The following DLG2 variants were observed in gnomAD, a reference collection of about 807,000 sequenced individuals.
The protein encoded by DLG2 is discs large MAGUK scaffold protein 2.
A neutral mutation model predicts 132.5 loss-of-function variants in DLG2; 45 were observed. That is an observed-to-expected ratio of 0.34 (90% CI 0.27 to 0.44). The LOEUF is 0.44. Ranked by LOEUF, DLG2 falls within the 20% of genes least tolerant of loss-of-function variation. The pLI, the probability that DLG2 is intolerant of heterozygous loss-of-function variation, is 1.00. For synonymous variants in DLG2, 424 were observed against 419.6 expected (o/e 1.01, Z -0.13); for missense variants, 1,045 against 1,196.9 (o/e 0.87, Z 1.87).
intron 6 of DLG2, among the ~76,000 whole-genome samples, chr11:84,948,974 T>C (rs2050579425): frequency 6.6e-6 from 1 of 152,232 alleles, no homozygotes; most frequent in South Asian, 2.1e-4. Context: ...TCTGTTGTTA[T>C]TGAAAAGATC....
chr11:85,489,404 T>C (rs1226863339), intron 3 of DLG2, among the ~76,000 whole-genome samples: 1 of 152,220 alleles, frequency 6.6e-6, no homozygotes, highest in East Asian at 1.9e-4. Context: ...AGCACGCAGA[T>C]TCAGAAAACA....
chr11:84,744,845 T>C (rs2065142898), intron 6 of DLG2, among the ~76,000 whole-genome samples: 1 of 151,382 alleles, frequency 6.6e-6, no homozygotes, highest in South Asian at 2.1e-4. Flanking sequence ...GAGGAATTTT[T>C]TTGAACTACG....
intron 6 of DLG2, among the ~76,000 whole-genome samples, chr11:84,725,823 G>T (rs920147870): frequency 3.3e-5 from 5 of 151,692 alleles, no homozygotes; most frequent in Non-Finnish European, 5.9e-5. Context: ...AAATTATAAA[G>T]GCTTTGTGTC....
At chr11:84,725,069 G>A (rs2062263970) in intron 6 of DLG2, among the ~76,000 whole-genome samples, 1 of 152,092 alleles carries the variant, frequency 6.6e-6, no homozygotes, top group African/African-American at 2.4e-5. Flanking sequence ...CTTTCAGGGG[G>A]AGGAAAGAGA....
At chr11:85,036,802 G>C (rs2061470885) in intron 6 of DLG2, among the ~76,000 whole-genome samples, 1 of 152,070 alleles carries the variant, frequency 6.6e-6, no homozygotes, top group South Asian at 2.1e-4. Context: ...TTTCTGTTCT[G>C]ACTATCTACA....
chr11:85,436,832 T>C (rs1366626991), intron 3 of DLG2, among the ~76,000 whole-genome samples: 1 of 152,232 alleles, frequency 6.6e-6, no homozygotes, highest in East Asian at 1.9e-4. Context: ...TAGATTATTC[T>C]ACTATGAAAT....
chr11:84,950,941 T>C (rs986893983), intron 6 of DLG2, among the ~76,000 whole-genome samples: 5 of 152,236 alleles, frequency 3.3e-5, no homozygotes, highest in Admixed American at 1.3e-4. Context: ...TATTTAATTA[T>C]TTACTTTAAA....
At chr11:83,674,375 C>T (rs770930042) in intron 18 of DLG2, among the ~76,000 whole-genome samples, 45 of 152,308 alleles carry the variant, frequency 3.0e-4, no homozygotes, top group South Asian at 8.3e-4. Context: ...GAACTCAACA[C>T]ACTTACTGAT....
At chr11:84,229,095 A>C (rs1566995782) in intron 8 of DLG2, among the ~76,000 whole-genome samples, 1 of 152,190 alleles carries the variant, frequency 6.6e-6, no homozygotes, top group Non-Finnish European at 1.5e-5. Flanking sequence ...CAAATAACTG[A>C]GAGACAAAAT....
chr11:83,483,795 A>G (rs1010227934), intron 22 of DLG2, among the ~76,000 whole-genome samples: 1 of 152,170 alleles, frequency 6.6e-6, no homozygotes, highest in South Asian at 2.1e-4. Flanking sequence ...ATGGAATCCA[A>G]TATTTCTTCT....
At chr11:85,020,777 C>CA (rs2059986551) in intron 6 of DLG2, 2 of 705,372 alleles carry the variant, frequency 2.8e-6, no homozygotes, top group Non-Finnish European at 5.3e-6. Flanking sequence ...CTATGTGCTT[C>CA]AAAGTCATCC....
At chr11:83,829,707 A>C (rs2053913302) in intron 17 of DLG2, among the ~76,000 whole-genome samples, 1 of 151,960 alleles carries the variant, frequency 6.6e-6, no homozygotes, top group Non-Finnish European at 1.5e-5. Context: ...AAATTCCAAT[A>C]GTGAACCTTG....
intron 17 of DLG2, among the ~76,000 whole-genome samples, chr11:83,808,764 C>T (rs1239383358): frequency 6.6e-6 from 1 of 152,144 alleles, no homozygotes; most frequent in Non-Finnish European, 1.5e-5. Context: ...CTGCACTGTA[C>T]ACCGTACACC....
chr11:84,635,952 G>C (rs1329543436), intron 6 of DLG2, among the ~76,000 whole-genome samples: 1 of 152,092 alleles, frequency 6.6e-6, no homozygotes, highest in Non-Finnish European at 1.5e-5. Context: ...GTTAATTAAA[G>C]GATAAATGAG....
intron 18 of DLG2, among the ~76,000 whole-genome samples, chr11:83,721,304 T>A (rs186433789): frequency 2.6e-5 from 4 of 152,342 alleles, no homozygotes; most frequent in African/African-American, 9.6e-5. Flanking sequence ...GGTTCCAATA[T>A]GCATGAATTT....
chr11:85,580,143 T>G (rs573428233), intron 3 of DLG2, among the ~76,000 whole-genome samples: 2 of 152,318 alleles, frequency 1.3e-5, no homozygotes, highest in East Asian at 1.9e-4. Flanking sequence ...AGGATGTGAA[T>G]TGCTCCTCCT....
At chr11:84,153,465 T>C (rs2095353332) in intron 9 of DLG2, among the ~76,000 whole-genome samples, 2 of 152,206 alleles carry the variant, frequency 1.3e-5, no homozygotes, top group African/African-American at 4.8e-5. Flanking sequence ...TCCTTCTCTC[T>C]TGGGAATACC....
chr11:85,020,654 T>A (rs1407986787), intron 6 of DLG2: 1 of 403,694 alleles, frequency 2.5e-6, no homozygotes, highest in East Asian at 6.4e-5. Context: ...ACAAACCTGA[T>A]ACAAACAAGA....
intron 3 of DLG2, among the ~76,000 whole-genome samples, chr11:85,508,710 G>A (rs1184911630): frequency 2.0e-5 from 3 of 152,024 alleles, no homozygotes; most frequent in Admixed American, 2.0e-4. Context: ...AGTGTTAACA[G>A]TAGAGGGTAA....
Sources: allele counts gnomAD v4.1 joint callset (sites outside exome capture counted in the v4.1 genomes callset), GRCh38; gene constraint gnomAD v4.1.1; transcripts MANE v1.5; gene names NCBI Gene and HGNC (gene_info 2026-07-23, HGNC 2026-07-21).